The following TBC1D2B variants were observed in gnomAD, a reference collection of about 807,000 sequenced individuals.
The protein encoded by TBC1D2B is TBC1 domain family, member 2B.
Under a neutral mutation model 100.8 loss-of-function variants are expected in TBC1D2B, and 64 were observed. The ratio of observed to expected loss-of-function variants is 0.64; its 90% confidence interval spans 0.52 to 0.78. The LOEUF (loss-of-function observed/expected upper bound fraction) is 0.78. TBC1D2B is among the 30% of genes least tolerant of loss of function. The pLI, the probability that TBC1D2B is intolerant of heterozygous loss-of-function variation, is 0.00. For synonymous variants in TBC1D2B, 480 were observed against 479.7 expected, an observed-to-expected ratio of 1.00 and a Z score of -0.01; for missense variants, 1,052 against 1,218.4, an observed-to-expected ratio of 0.86 and a Z score of 2.03.
rs1007683251 is a variant in TBC1D2B, at chr15:77,995,570, T to C, written c.*2590A>G. 9 of 152,276 alleles carry C rather than the reference T, an allele frequency of 5.9e-5. No homozygotes were observed. Among genetic ancestry groups the C allele is most frequent in the Middle Eastern group, 3.4e-3 (1 of 294 alleles). The allele number at this position is 152,276 out of a possible 1,614,324, so 9.4% of individuals were successfully genotyped here. A position where few individuals can be genotyped will look rare whatever the true frequency, so the allele number is the denominator to read the frequency against. On this transcript the variant is annotated 3_prime_UTR_variant, in exon 13 of 13. Transcript: ENST00000300584. ...AATAACTTGTTATATAAAATAGATA[T>C]GTGGAATCTAGAAACACCTTGAGAA...
intron 3 of TBC1D2B, among the ~76,000 whole-genome samples, chr15:78,040,882 G>GAAAGAA (rs1471917186): frequency 0.012 from 1,585 of 130,136 alleles, 62 homozygotes; most frequent in African/African-American, 0.044. Context: ...AAGAAAGAAA[G>GAAAGAA]AGAGAGAGAG....
At chr15:78,030,682 G>A (rs1213853643) in intron 3 of TBC1D2B, among the ~76,000 whole-genome samples, 1 of 152,124 alleles carries the variant, frequency 6.6e-6, no homozygotes, top group Non-Finnish European at 1.5e-5. Context: ...AACTCAGCAA[G>A]GTACTGTTAA....
intron 1 of TBC1D2B, among the ~76,000 whole-genome samples, chr15:78,058,773 A>G (rs2073481311): frequency 6.6e-6 from 1 of 152,126 alleles, no homozygotes; most frequent in Admixed American, 6.5e-5. Flanking sequence ...CTGGAGAGCC[A>G]GACAGGCATT....
At chr15:78,075,740 T>C (rs1052480333) in intron 1 of TBC1D2B, among the ~76,000 whole-genome samples, 3 of 152,212 alleles carry the variant, frequency 2.0e-5, no homozygotes, top group Non-Finnish European at 2.9e-5. Context: ...GGAAACAGGC[T>C]GTCTGCACCC....
intron 12 of TBC1D2B, among the ~76,000 whole-genome samples, chr15:78,000,644 C>T (rs1210528856): frequency 6.6e-6 from 1 of 152,252 alleles, no homozygotes; most frequent in African/African-American, 2.4e-5. Context: ...TCCAGGAAGC[C>T]TGGCATGGCC....
chr15:78,037,210 T>A (rs937029255), intron 3 of TBC1D2B, among the ~76,000 whole-genome samples: 1 of 151,994 alleles, frequency 6.6e-6, no homozygotes, highest in Non-Finnish European at 1.5e-5. Context: ...TCCTCTTCTA[T>A]CCTCACCCCC....
At chr15:78,028,421 A>C (rs1326802904) in intron 4 of TBC1D2B, among the ~76,000 whole-genome samples, 1 of 152,254 alleles carries the variant, frequency 6.6e-6, no homozygotes, top group Non-Finnish European at 1.5e-5. Flanking sequence ...CAATGAGCCG[A>C]GATCGCGCCA....
intron 3 of TBC1D2B, among the ~76,000 whole-genome samples, chr15:78,044,643 T>A (rs549871170): frequency 4.1e-4 from 63 of 152,338 alleles, no homozygotes; most frequent in African/African-American, 1.4e-3. Flanking sequence ...CTGTAAAATG[T>A]CAGCCATATG....
chr15:78,049,048 GA>G (rs1305714397), intron 2 of TBC1D2B, among the ~76,000 whole-genome samples: 1 of 152,122 alleles, frequency 6.6e-6, no homozygotes, highest in Non-Finnish European at 1.5e-5. Context: ...GGTTTAATCT[GA>G]AAAAAATTTT....
intron 2 of TBC1D2B, among the ~76,000 whole-genome samples, chr15:78,046,617 C>G (rs536545639): frequency 6.6e-6 from 1 of 151,962 alleles, no homozygotes; most frequent in Non-Finnish European, 1.5e-5. Flanking sequence ...CAGGCACGCA[C>G]GATGCCCAGC....
At chr15:78,027,970 C>T (rs1347732046) in intron 4 of TBC1D2B, among the ~76,000 whole-genome samples, 1 of 136,358 alleles carries the variant, frequency 7.3e-6, no homozygotes, top group Non-Finnish European at 1.7e-5. Context: ...CACAGGTAAG[C>T]TCCCTCTCAC....
intron 3 of TBC1D2B, chr15:78,034,572 G>A (rs971540270): frequency 2.0e-6 from 2 of 985,256 alleles, no homozygotes; most frequent in Admixed American, 1.2e-4. Flanking sequence ...CACACGGCCT[G>A]GGGAGAGAGA....
At chr15:78,005,064 A>G (rs955656586) in intron 10 of TBC1D2B, among the ~76,000 whole-genome samples, 1 of 152,208 alleles carries the variant, frequency 6.6e-6, no homozygotes, top group East Asian at 1.9e-4. Context: ...GCAGACGTCC[A>G]AGAGGGAGGG....
intron 1 of TBC1D2B, among the ~76,000 whole-genome samples, chr15:78,054,975 A>G (rs920120561): frequency 3.9e-5 from 6 of 152,246 alleles, no homozygotes; most frequent in African/African-American, 7.2e-5. Context: ...CATCTATACA[A>G]TAATATACTA....
At chr15:78,035,404 CT>C (rs1322455306) in intron 3 of TBC1D2B, among the ~76,000 whole-genome samples, 2 of 152,240 alleles carry the variant, frequency 1.3e-5, no homozygotes, top group East Asian at 3.8e-4. Context: ...AAGTTAACCC[CT>C]CCACAAACCG....
rs959068471 is a variant in TBC1D2B, at chr15:78,077,148, G to A, written c.360+145C>T. ...TGGGGAGGAGATAGGAACGAGGGCG[G>A]GATGTGGAGAAGCAGGGAAAGGCAG... On this transcript the variant is annotated intron_variant, in intron 1 of 12. Coordinates refer to ENST00000300584, the MANE Select transcript of TBC1D2B (RefSeq NM_144572.2). 175 of 1,135,092 alleles carry A rather than the reference G, an allele frequency of 1.5e-4. No individual in the cohort carries two copies. In the Middle Eastern group the frequency reaches 2.1e-3, roughly 14 times the overall value. 70.3% of individuals were successfully genotyped at this position (1,135,092 alleles called of 1,614,324 possible). A position where few individuals can be genotyped will look rare whatever the true frequency, so the allele number is the denominator to read the frequency against.
At chr15:77,998,472 C>G (rs868108998) in intron 12 of TBC1D2B, 117 bp from the exon 13 acceptor site, 2 of 941,768 alleles carry the variant, frequency 2.1e-6, no homozygotes, top group Middle Eastern at 3.0e-4. Context: ...GCTGGCCAGG[C>G]TTGGGGCCTG....
chr15:78,020,613 G>C (rs1315274138), intron 6 of TBC1D2B, among the ~76,000 whole-genome samples: 1 of 152,212 alleles, frequency 6.6e-6, no homozygotes, highest in Non-Finnish European at 1.5e-5. Context: ...GAGGTCCTAA[G>C]TGGTGATCTG....
chr15:78,040,900 A>AAGAAAGAG (rs1567026349), intron 3 of TBC1D2B, among the ~76,000 whole-genome samples: 1 of 147,248 alleles, frequency 6.8e-6, no homozygotes, highest in African/African-American at 2.5e-5. Flanking sequence ...GAGAGAAAGA[A>AAGAAAGAG]AGAAAGAAAG....
Sources: allele counts gnomAD v4.1 joint callset (sites outside exome capture counted in the v4.1 genomes callset), GRCh38; gene constraint gnomAD v4.1.1; transcripts MANE v1.5; gene names NCBI Gene and HGNC (gene_info 2026-07-23, HGNC 2026-07-21).